MINAR1: variants seen among roughly 807,000 people sequenced by gnomAD.
The protein encoded by MINAR1 is major intrinsically disordered Notch2-binding receptor 1.
In MINAR1, 40 loss-of-function variants were observed where a neutral mutation model predicts 65.1. The observed-to-expected ratio is 0.61, with a 90% CI of 0.48 to 0.80. The LOEUF (loss-of-function observed/expected upper bound fraction) is 0.80, where lower values mean the gene tolerates loss of function less well. Ranked by LOEUF, MINAR1 falls within the 30% of genes least tolerant of loss-of-function variation. MINAR1 has a pLI of 0.00. For synonymous variants in MINAR1, 482 were observed against 449.1 expected (o/e 1.07, Z -0.93); for missense variants, 1,128 against 1,148.0 (o/e 0.98, Z 0.25).
Position 79,458,085 on chromosome 15 carries a change from G to A in MINAR1, c.1938G>A (p.Leu646=). The part of the protein sequence containing the change: ...QPEKVSVQID[L]NSLTSEGPSD... Reference sequence around the variant, plus strand: ...AGAAGGTGAGTGTGCAGATAGATCTGAACTCCTTGACAAGCGAGGGTCCGT... The same window carrying A: ...AGAAGGTGAGTGTGCAGATAGATCTAAACTCCTTGACAAGCGAGGGTCCGT... The change falls in exon 2 of 4, where the codon CTG becomes CTA. Residue 646 remains leucine, a synonymous_variant. Transcript: ENST00000305428. The A allele has an allele frequency of 6.2e-7, 1 of 1,614,174 alleles. No homozygotes were observed. Among genetic ancestry groups the A allele is most frequent in the Non-Finnish European group, 8.5e-7 (1 of 1,180,044 alleles).
chr15:79,446,451 C>T (rs1895020629), intron 1 of MINAR1, among the ~76,000 whole-genome samples: 1 of 151,952 alleles, frequency 6.6e-6, no homozygotes, highest in Non-Finnish European at 1.5e-5. Context: ...TTTATCTTTA[C>T]TTCTGAATAA....
At position 79,456,269 on chromosome 15, in the gene MINAR1, C is replaced by T. The variant is rs371167587; in HGVS notation, c.122C>T (p.Ser41Leu). The T allele has an allele frequency of 1.1e-5, 17 of 1,614,030 alleles. No homozygotes were observed. Among genetic ancestry groups the T allele is most frequent in the Admixed American group, 1.0e-4 (6 of 60,004 alleles). Residue 41 changes from serine to leucine, a missense_variant, in exon 2 of 4, where the codon TCG becomes TTG. By Grantham distance (145) the Ser-to-Leu change is moderately radical. Coordinates refer to ENST00000305428, the MANE Select transcript of MINAR1 (RefSeq NM_015206.3). ...TCTCTCTGTGCCCGGTTCGACCTGTCGCAGCTTGCCAAACTGAGAAGTGTG... is the reference window on the plus strand; with the variant it reads ...TCTCTCTGTGCCCGGTTCGACCTGTTGCAGCTTGCCAAACTGAGAAGTGTG... Reference protein sequence around the residue: ...CKSLCARFDLSQLAKLRSVLF... With the variant: ...CKSLCARFDLLQLAKLRSVLF...
upstream of MINAR1, among the ~76,000 whole-genome samples, chr15:79,431,881 C>G (rs1048815156): frequency 6.6e-6 from 1 of 152,174 alleles, no homozygotes; most frequent in African/African-American, 2.4e-5. Context: ...GGGGCTCCGG[C>G]GGCGCTCTGA....
intron 1 of MINAR1, among the ~76,000 whole-genome samples, chr15:79,454,737 TAAAA>T (rs56143323): frequency 2.1e-4 from 32 of 151,552 alleles, no homozygotes; most frequent in African/African-American, 5.1e-4. Flanking sequence ...AGATGGGAAA[TAAAA>T]AAAAACCTAT....
chr15:79,449,914 TCAAA>T (rs1289166056), intron 1 of MINAR1, among the ~76,000 whole-genome samples: 2 of 152,178 alleles, frequency 1.3e-5, no homozygotes, highest in African/African-American at 2.4e-5. Context: ...CTCCAGACCA[TCAAA>T]CACTCCCCTC....
rs1367847416 is a variant in MINAR1, at chr15:79,470,120, C to T, written c.*1736C>T. 1 of 152,488 alleles carries T rather than the reference C, an allele frequency of 6.6e-6. No homozygotes were observed. Among genetic ancestry groups the T allele is most frequent in the Non-Finnish European group, 1.5e-5 (1 of 68,024 alleles). The allele number at this position is 152,488 out of a possible 1,614,324, so 9.4% of individuals were successfully genotyped here. On this transcript the variant is annotated 3_prime_UTR_variant, in exon 4 of 4. Coordinates refer to ENST00000305428, the MANE Select transcript of MINAR1 (RefSeq NM_015206.3). Reference sequence around the variant, plus strand: ...ATGTTTATGTATGGATTTTCAATTTCAGTAACCGAAAACTTAAGCCTTAGT... The same window carrying T: ...ATGTTTATGTATGGATTTTCAATTTTAGTAACCGAAAACTTAAGCCTTAGT...
At chr15:79,464,506 A>T (rs1895769256) in intron 3 of MINAR1, among the ~76,000 whole-genome samples, 1 of 152,242 alleles carries the variant, frequency 6.6e-6, no homozygotes, top group Admixed American at 6.5e-5. Flanking sequence ...CCCAGGTCAG[A>T]CAAGTCTAAA....
At chr15:79,461,755 C>T (rs1895646997) in intron 2 of MINAR1, among the ~76,000 whole-genome samples, 1 of 151,348 alleles carries the variant, frequency 6.6e-6, no homozygotes, top group Non-Finnish European at 1.5e-5. Flanking sequence ...GTAGGACCCA[C>T]ACACTCACAC....
In MINAR1 at chr15:79,469,282, T is replaced by C. The variant is rs576063150; in HGVS notation, c.*898T>C. ...ATACATGAGTTGAAGAGTTTGGAAC[T>C]TGTCCTTGTGCCTTGAAGAGTAGAG... On this transcript the variant is annotated 3_prime_UTR_variant, in exon 4 of 4. Transcript: ENST00000305428. The C allele has an allele frequency of 6.5e-6, 1 of 152,764 alleles. No individual in the cohort carries two copies. The highest frequency in any genetic ancestry group is 2.4e-5 in the African/African-American group (1 of 41,578). The allele number at this position is 152,764 out of a possible 1,614,324, so 9.5% of individuals were successfully genotyped here.
intron 3 of MINAR1, chr15:79,463,809 C>A: frequency 2.2e-6 from 1 of 451,950 alleles, no homozygotes; most frequent in South Asian, 1.6e-5. Flanking sequence ...GGCTGGAGGG[C>A]ATGTTTTTTG....
At chr15:79,452,662 G>A (rs1895261303) in intron 1 of MINAR1, among the ~76,000 whole-genome samples, 1 of 148,108 alleles carries the variant, frequency 6.8e-6, no homozygotes, top group Admixed American at 6.7e-5. Flanking sequence ...GGGTGAGTGT[G>A]GGTGTGGGTA....
chr15:79,457,120 C>G lies in MINAR1; in HGVS notation c.973C>G (p.Arg325Gly). Reference protein sequence around the residue: ...PVYSPVPDKRRAKHESLDDLQ... With the variant: ...PVYSPVPDKRGAKHESLDDLQ... ...GTATTCCCCGGTTCCTGACAAAAGG[C>G]GAGCAAAGCACGAAAGCTTAGATGA... is the stretch of plus-strand genomic sequence containing the variant. Residue 325 changes from arginine to glycine, a missense_variant, in exon 2 of 4, where the codon CGA becomes GGA. Transcript: ENST00000305428. The G allele has an allele frequency of 1.9e-6, 3 of 1,614,070 alleles. No homozygotes were observed. Among genetic ancestry groups the G allele is most frequent in the Non-Finnish European group, 2.5e-6 (3 of 1,180,020 alleles).
At chr15:79,426,093 A>G in the MINAR1 span, 1 of 152,424 alleles carries the variant, frequency 6.6e-6, no homozygotes, top group Non-Finnish European at 1.5e-5. Flanking sequence ...AATCTACTGA[A>G]CGGATATCAG....
intron 1 of MINAR1, among the ~76,000 whole-genome samples, chr15:79,433,193 C>T (rs1478774917): frequency 1.3e-5 from 2 of 152,048 alleles, no homozygotes; most frequent in East Asian, 3.9e-4. Flanking sequence ...CGCCATCCCT[C>T]CGAAAGCGAT....
chr15:79,448,171 T>TC (rs1203662527), intron 1 of MINAR1, among the ~76,000 whole-genome samples: 1 of 152,246 alleles, frequency 6.6e-6, no homozygotes, highest in East Asian at 1.9e-4. Context: ...TCAGAGTTTT[T>TC]CACATTCTCT....
At chr15:79,436,413 T>C (rs770796948) in intron 1 of MINAR1, among the ~76,000 whole-genome samples, 12 of 152,202 alleles carry the variant, frequency 7.9e-5, no homozygotes, top group Non-Finnish European at 1.3e-4. Flanking sequence ...CTCAGGTTAG[T>C]CTTTTAGAGA....
intron 1 of MINAR1, among the ~76,000 whole-genome samples, chr15:79,453,922 C>T (rs1039939355): frequency 1.2e-4 from 19 of 152,288 alleles, no homozygotes; most frequent in African/African-American, 4.3e-4. Flanking sequence ...TGGTAGGACA[C>T]ACATGGGATT....
chr15:79,431,517 G>T (rs946761808), upstream of MINAR1, among the ~76,000 whole-genome samples: 1 of 151,512 alleles, frequency 6.6e-6, no homozygotes, highest in Non-Finnish European at 1.5e-5. Flanking sequence ...GTGTGTGTGG[G>T]GGGGGAGAGA....
intron 1 of MINAR1, among the ~76,000 whole-genome samples, chr15:79,446,653 T>C (rs1895030079): frequency 6.6e-6 from 1 of 152,224 alleles, no homozygotes; most frequent in Non-Finnish European, 1.5e-5. Flanking sequence ...ATGATGTGTT[T>C]AGGTATCTAA....
Sources: gnomAD v4.1 joint callset for allele counts (sites outside exome capture counted in the v4.1 genomes callset) on GRCh38, gnomAD v4.1.1 for gene constraint, MANE v1.5 for transcripts, NCBI Gene and HGNC (gene_info 2026-07-23, HGNC 2026-07-21) for gene names.